PPP2R2C: variants seen among roughly 807,000 people sequenced by gnomAD.
PPP2R2C encodes protein phosphatase 2, regulatory subunit B, gamma.
PPP2R2C carries 10 observed loss-of-function variants against 45.3 expected under a neutral mutation model. The ratio of observed to expected loss-of-function variants is 0.22; its 90% CI spans 0.14 to 0.37. PPP2R2C has a LOEUF of 0.37. Among genes scored for constraint, PPP2R2C ranks in the 10% least tolerant of loss-of-function variants. The probability of loss-of-function intolerance (pLI) is 1.00; values close to 1 mark genes in which losing one functional copy is unlikely to be tolerated. For synonymous variants in PPP2R2C, 257 were observed against 245.4 expected (o/e 1.05, Z -0.44); for missense variants, 308 against 619.7 (o/e 0.50, Z 5.34).
At chr4:6,454,097 G>A (rs1210182142) in intron 1 of PPP2R2C, among the ~76,000 whole-genome samples, 2 of 152,196 alleles carry the variant, frequency 1.3e-5, no homozygotes, top group African/African-American at 4.8e-5. Context: ...CGTTCTTCCT[G>A]TGACTGTTCA....
intron 1 of PPP2R2C, among the ~76,000 whole-genome samples, chr4:6,463,595 C>T (rs1359629888): frequency 6.6e-6 from 1 of 152,242 alleles, no homozygotes; most frequent in Admixed American, 6.5e-5. Flanking sequence ...GTGTCCTGCT[C>T]CCGGGCCGGC....
chr4:6,433,792 G>A (rs569650831), intron 1 of PPP2R2C, among the ~76,000 whole-genome samples: 2 of 152,320 alleles, frequency 1.3e-5, no homozygotes, highest in South Asian at 4.1e-4. Context: ...TGACAACTCT[G>A]AGACCCACAG....
chr4:6,518,934 A>T lies in PPP2R2C; in HGVS notation c.49+16337T>A, dbSNP rs756876865. 1.6e-3 allele frequency among the ~76,000 whole-genome samples: 169 copies of T among 106,572 alleles called. 8 individuals carry two copies. The South Asian group carries it at 0.022, about 14-fold the overall frequency. 69.9% of individuals were successfully genotyped at this position (106,572 alleles called of 152,430 possible). A position where few individuals can be genotyped will look rare whatever the true frequency, so the allele number is the denominator to read the frequency against. On this transcript the variant is annotated intron_variant, in intron 2 of 9. Coordinates refer to the PPP2R2C transcript ENST00000506140. ...CAAGACTCTGTCTTAAAAAAAAAAA[A>T]AAAAAAAAAAAAAAAAAAAGAATAG...
intron 6 of PPP2R2C, among the ~76,000 whole-genome samples, chr4:6,339,083 A>T (rs534318157): frequency 6.6e-6 from 1 of 151,996 alleles, no homozygotes; most frequent in African/African-American, 2.4e-5. Flanking sequence ...TTTCTTACCA[A>T]CTCCTATACA....
intron 2 of PPP2R2C, among the ~76,000 whole-genome samples, chr4:6,501,046 G>C (rs941311070): frequency 6.6e-6 from 1 of 152,220 alleles, no homozygotes; most frequent in Admixed American, 6.5e-5. Context: ...GCAACTCTGG[G>C]GGAAGAGAGA....
intron 1 of PPP2R2C, among the ~76,000 whole-genome samples, chr4:6,439,347 A>T (rs1475180705): frequency 6.6e-6 from 1 of 152,230 alleles, no homozygotes; most frequent in Non-Finnish European, 1.5e-5. Context: ...ACGTGCACTG[A>T]TTTATGACAC....
At chr4:6,403,195 A>C (rs1209889537) in intron 1 of PPP2R2C, among the ~76,000 whole-genome samples, 1 of 152,176 alleles carries the variant, frequency 6.6e-6, no homozygotes, top group Non-Finnish European at 1.5e-5. Flanking sequence ...TGTCGCTCTC[A>C]TGCAAAATAT....
chr4:6,458,391 T>G (rs1184107427), intron 1 of PPP2R2C, among the ~76,000 whole-genome samples: 1 of 152,170 alleles, frequency 6.6e-6, no homozygotes, highest in Non-Finnish European at 1.5e-5. Flanking sequence ...TCCAACTTCC[T>G]GACTCTCAAA....
intron 2 of PPP2R2C, among the ~76,000 whole-genome samples, chr4:6,484,851 A>G (rs1332298108): frequency 6.6e-6 from 1 of 151,952 alleles, no homozygotes; most frequent in African/African-American, 2.4e-5. Flanking sequence ...TTCTACATAA[A>G]TAATCATGTC....
At chr4:6,344,801 A>G (rs1711680379) in intron 6 of PPP2R2C, among the ~76,000 whole-genome samples, 1 of 152,174 alleles carries the variant, frequency 6.6e-6, no homozygotes, top group Non-Finnish European at 1.5e-5. Flanking sequence ...CTTTCAACAT[A>G]ATCACTTCCC....
intron 1 of PPP2R2C, among the ~76,000 whole-genome samples, chr4:6,462,152 C>A (rs1363441726): frequency 3.3e-5 from 5 of 152,362 alleles, no homozygotes; most frequent in African/African-American, 1.2e-4. Context: ...TCCCAGCAAC[C>A]ACCTCTCAGC....
intron 1 of PPP2R2C, among the ~76,000 whole-genome samples, chr4:6,428,659 T>C (rs951252022): frequency 1.3e-5 from 2 of 152,230 alleles, no homozygotes; most frequent in African/African-American, 2.4e-5. Flanking sequence ...GAGGGCCTGA[T>C]GAATAAGCCA....
chr4:6,535,122 G>A, intron 2 of PPP2R2C: 1 of 898,370 alleles, frequency 1.1e-6, no homozygotes, highest in Non-Finnish European at 1.7e-6. Context: ...CGGGGGCCCA[G>A]GGGCCAGAGC....
At chr4:6,503,107 A>T (rs1490286685) in intron 2 of PPP2R2C, among the ~76,000 whole-genome samples, 1 of 152,146 alleles carries the variant, frequency 6.6e-6, no homozygotes, top group East Asian at 1.9e-4. Context: ...ACTGCTGCAG[A>T]CTTTAACAGC....
At chr4:6,451,315 C>G (rs1483037318) in intron 1 of PPP2R2C, among the ~76,000 whole-genome samples, 3 of 152,270 alleles carry the variant, frequency 2.0e-5, no homozygotes, top group Non-Finnish European at 4.4e-5. Context: ...AGCCCCTGCC[C>G]TCCTGTAGCC....
intron 1 of PPP2R2C, among the ~76,000 whole-genome samples, chr4:6,543,536 C>A (rs142767757): frequency 0.013 from 1,915 of 152,294 alleles, 34 homozygotes; most frequent in African/African-American, 0.043. Flanking sequence ...GCCTGACCAA[C>A]CTGGCCAAAC....
chr4:6,524,155 C>T (rs1315673914), intron 2 of PPP2R2C, among the ~76,000 whole-genome samples: 2 of 152,020 alleles, frequency 1.3e-5, no homozygotes, highest in African/African-American at 4.8e-5. Flanking sequence ...CTCCTGACCT[C>T]AAGTGATCAG....
rs148902626 is a variant in PPP2R2C, at chr4:6,462,643, T to C, written c.70+9517A>G. Among the ~76,000 whole-genome samples the C allele has an allele frequency of 2.1e-3, 325 of 152,260 alleles. 1 individual carries two copies. The highest frequency in any genetic ancestry group is 3.6e-3 in the Non-Finnish European group (243 of 68,014). On this transcript the variant is annotated intron_variant, in intron 1 of 8. Coordinates refer to ENST00000382599, the MANE Select transcript of PPP2R2C (RefSeq NM_020416.4). ...ACCACCCAACCATAAGAGACATTTC[T>C]CAGACAACTGGGGACGTTCATAAAA...
intron 1 of PPP2R2C, among the ~76,000 whole-genome samples, chr4:6,425,607 C>A (rs889897237): frequency 6.6e-6 from 1 of 152,200 alleles, no homozygotes; most frequent in African/African-American, 2.4e-5. Flanking sequence ...CACTTGAAAC[C>A]CACTGCCTTT....
Sources: allele counts gnomAD v4.1 joint callset (sites outside exome capture counted in the v4.1 genomes callset), GRCh38; gene constraint gnomAD v4.1.1; transcripts MANE v1.5; gene names NCBI Gene and HGNC (gene_info 2026-07-23, HGNC 2026-07-21).